PRMT8: variants seen among roughly 807,000 people sequenced by gnomAD.
The protein encoded by PRMT8 is protein arginine N-methyltransferase 8.
Under a neutral mutation model 47.1 loss-of-function variants are expected in PRMT8, and 7 were observed. That is an observed-to-expected ratio of 0.15 (90% CI 0.08 to 0.28). The LOEUF (loss-of-function observed/expected upper bound fraction) is 0.28, where lower values mean the gene tolerates loss of function less well. Ranked by LOEUF, PRMT8 falls within the 10% of genes least tolerant of loss-of-function variation. The pLI is 1.00. For synonymous variants in PRMT8, 188 were observed against 186.5 expected (o/e 1.01, Z -0.07); for missense variants, 237 against 505.4 (o/e 0.47, Z 5.09).
At position 3,593,079 on chromosome 12, in the gene PRMT8, G is replaced by A. The variant is rs1565452506; in HGVS notation, c.1102-20G>A. The A allele has an allele frequency of 4.4e-6, 7 of 1,607,466 alleles. No homozygotes were observed. The Admixed American group carries it at 5.0e-5, about 12-fold the overall frequency. ...TACCCAGACGGCCGCCTGACCCTTC[G>A]CTCTCTCTCTGCCTTGCAGCGAGAC... On this transcript the variant is annotated intron_variant, in intron 9 of 9. Coordinates refer to ENST00000382622, the MANE Select transcript of PRMT8 (RefSeq NM_019854.5). The surrounding 1 kb of genome is among the most constrained non-coding windows in gnomAD (Gnocchi z 4.8).
intron 1 of PRMT8, among the ~76,000 whole-genome samples, chr12:3,431,899 C>T (rs1017990781): frequency 2.6e-5 from 4 of 152,214 alleles, no homozygotes; most frequent in African/African-American, 9.7e-5. Context: ...TGGGAGGAAC[C>T]TCGCTGGCAG....
intron 1 of PRMT8, among the ~76,000 whole-genome samples, chr12:3,454,674 A>G (rs536296873): frequency 2.0e-5 from 3 of 152,206 alleles, no homozygotes; most frequent in African/African-American, 7.2e-5. Context: ...ATGAATCAGG[A>G]CAAAAGGAAG....
At chr12:3,496,214 A>ATATATATATATATTTTTTTTTTT in intron 1 of PRMT8, among the ~76,000 whole-genome samples, 4 of 27,766 alleles carry the variant, frequency 1.4e-4, no homozygotes, top group African/African-American at 8.8e-5. Context: ...ATATATATAT[A>ATATATATATATATTTTTTTTTTT]TTTTTTTTTT....
intron 1 of PRMT8, among the ~76,000 whole-genome samples, chr12:3,510,675 C>T (rs1482563174): frequency 1.3e-5 from 2 of 152,186 alleles, no homozygotes; most frequent in African/African-American, 4.8e-5. Context: ...TCCACAAGGC[C>T]AGCTCCAGTG....
At chr12:3,466,706 A>G (rs919069586) in intron 1 of PRMT8, among the ~76,000 whole-genome samples, 11 of 152,168 alleles carry the variant, frequency 7.2e-5, no homozygotes, top group African/African-American at 2.4e-4. Flanking sequence ...TGGGCCTTTG[A>G]CAGTTTTATC....
intron 4 of PRMT8, among the ~76,000 whole-genome samples, chr12:3,554,329 G>A (rs148892983): frequency 6.6e-6 from 1 of 152,224 alleles, no homozygotes; most frequent in African/African-American, 2.4e-5. Flanking sequence ...AGACCCGCAA[G>A]GGTCCCTGAT....
Position 3,424,773 on chromosome 12 carries a change from A to G in PRMT8, c.48+43331A>G, listed in dbSNP as rs139803794. Among the ~76,000 whole-genome samples the G allele has an allele frequency of 1.1e-4, 16 of 152,344 alleles. 1 individual carries two copies. The highest frequency in any genetic ancestry group is 3.8e-4 in the African/African-American group (16 of 41,578). On this transcript the variant is annotated intron_variant, in intron 1 of 9. Transcript: ENST00000452611. ...TCACTTATAATAACCATAAAATAAT[A>G]GCACTGTAGCAACCTTTTGTCCTGC...
At chr12:3,465,263 A>G (rs1865086320) in intron 1 of PRMT8, among the ~76,000 whole-genome samples, 1 of 37,680 alleles carries the variant, frequency 2.7e-5, no homozygotes, top group Non-Finnish European at 6.1e-5. Flanking sequence ...TATTTTATAA[A>G]TATTTATAAA....
In PRMT8 at chr12:3,592,299, AG is replaced by A; in HGVS notation, c.1054del (p.Glu352ArgfsTer9). On this transcript the variant is annotated frameshift_variant, in exon 9 of 10. Transcript: ENST00000382622. LOFTEE classifies it high-confidence loss of function. ...CTTGGAAGATTACCTCACTGTCCGG[AG>A]GGGGGAGGAAATCTACGGGACCATA... ...FYLEDYLTVR[R>X]GEEIYGTISM... 1 of 1,597,896 alleles carries A rather than the reference AG, an allele frequency of 6.3e-7. No individual in the cohort carries two copies.
At chr12:3,421,396 C>T (rs954780044) in intron 1 of PRMT8, among the ~76,000 whole-genome samples, 1 of 152,216 alleles carries the variant, frequency 6.6e-6, no homozygotes. Flanking sequence ...TTCCCTTGCT[C>T]TCCAGCCATC....
At chr12:3,567,782 A>G (rs1393294519) in intron 4 of PRMT8, among the ~76,000 whole-genome samples, 2 of 152,222 alleles carry the variant, frequency 1.3e-5, no homozygotes, top group Non-Finnish European at 2.9e-5. Context: ...TTGGTCAATT[A>G]ACACACATTG....
At chr12:3,394,493 G>C (rs1422111868) in intron 1 of PRMT8, among the ~76,000 whole-genome samples, 1 of 151,790 alleles carries the variant, frequency 6.6e-6, no homozygotes, top group Admixed American at 6.6e-5. Context: ...CTTTGGTTCT[G>C]TTTATATGCT....
chr12:3,550,370 C>A lies in PRMT8; in HGVS notation c.417+279C>A. 2.7e-6 allele frequency: 1 copy of A among 368,974 alleles called. No individual in the cohort carries two copies. Among genetic ancestry groups the A allele is most frequent in the Non-Finnish European group, 5.0e-6 (1 of 198,798 alleles). 22.9% of individuals were successfully genotyped at this position (368,974 alleles called of 1,614,324 possible). The stretch of plus-strand genomic sequence containing the variant: ...GTCATCATGACCTTTCAGTGCTTAG[C>A]CCCAAGGTCAGCTTCAGAGGCAGTG... On this transcript the variant is annotated intron_variant, in intron 3 of 9. Coordinates refer to ENST00000382622, the MANE Select transcript of PRMT8 (RefSeq NM_019854.5). The surrounding 1 kb of genome is among the most constrained non-coding windows in gnomAD (Gnocchi z 5.1).
Position 3,569,383 on chromosome 12 carries a change from G to C in PRMT8, c.625-94G>C. ...CTGCATGAGAGATGGTGGCAAGGGG[G>C]TGCTTGTCTGGTGACTCTATGTGCA... On this transcript the variant is annotated intron_variant, in intron 5 of 9. Coordinates refer to ENST00000382622, the MANE Select transcript of PRMT8 (RefSeq NM_019854.5). The surrounding 1 kb of genome is among the most constrained non-coding windows in gnomAD (Gnocchi z 8.2). 9.8e-7 allele frequency: 1 copy of C among 1,023,652 alleles called. No individual in the cohort carries two copies. The highest frequency in any genetic ancestry group is 1.3e-5 in the South Asian group (1 of 77,790). 63.4% of individuals were successfully genotyped at this position (1,023,652 alleles called of 1,614,324 possible).
chr12:3,522,643 T>A (rs1423697052), intron 1 of PRMT8, among the ~76,000 whole-genome samples: 16 of 73,430 alleles, frequency 2.2e-4, no homozygotes, highest in Admixed American at 1.8e-3. Flanking sequence ...AGCCTGAGAC[T>A]CCATTAAAAA....
chr12:3,479,556 C>G (rs187040031), intron 1 of PRMT8, among the ~76,000 whole-genome samples: 112 of 152,208 alleles, frequency 7.4e-4, no homozygotes, highest in Non-Finnish European at 1.3e-3. Context: ...AGATAGCCAT[C>G]GTCTCAATTT....
intron 1 of PRMT8, among the ~76,000 whole-genome samples, chr12:3,427,594 CTG>C (rs1230317023): frequency 1.3e-5 from 2 of 150,826 alleles, no homozygotes; most frequent in Non-Finnish European, 2.9e-5. Context: ...TGCACATAAA[CTG>C]TTTTTTTTTT....
chr12:3,421,787 G>C (rs941740951), intron 1 of PRMT8, among the ~76,000 whole-genome samples: 1 of 152,196 alleles, frequency 6.6e-6, no homozygotes, highest in Admixed American at 6.5e-5. Context: ...AGGTTGTCAG[G>C]CTGACTTATG....
At chr12:3,396,931 TAAAC>T (rs1401672797) in intron 1 of PRMT8, among the ~76,000 whole-genome samples, 1 of 152,020 alleles carries the variant, frequency 6.6e-6, no homozygotes, top group Non-Finnish European at 1.5e-5. Flanking sequence ...CTTTTTTCTC[TAAAC>T]TTCCCTTCTC....
Sources: gnomAD v4.1 joint callset for allele counts (sites outside exome capture counted in the v4.1 genomes callset) on GRCh38, gnomAD v4.1.1 for gene constraint, Gnocchi (gnomAD v3.1) non-coding constraint, MANE v1.5 for transcripts, NCBI Gene and HGNC (gene_info 2026-07-23, HGNC 2026-07-21) for gene names.